The following AASS variants were observed in gnomAD, a reference collection of about 807,000 sequenced individuals.
AASS encodes the protein aminoadipate-semialdehyde synthase.
Under a neutral mutation model 105.4 loss-of-function variants are expected in AASS, and 86 were observed. That is an observed-to-expected ratio of 0.82 (90% CI 0.69 to 0.98). AASS has a LOEUF of 0.98. AASS is among the 50% of genes least tolerant of loss of function. The probability of loss-of-function intolerance (pLI) is 0.00; values close to 1 mark genes in which losing one functional copy is unlikely to be tolerated. For synonymous variants in AASS, 381 were observed against 394.8 expected, an observed-to-expected ratio of 0.96 and a Z score of 0.41; for missense variants, 1,048 against 1,143.2, an observed-to-expected ratio of 0.92 and a Z score of 1.20.
intron 9 of AASS, among the ~76,000 whole-genome samples, 187 bp downstream of exon 9, chr7:122,114,887 A>G (rs1795094756): frequency 6.6e-6 from 1 of 152,058 alleles, no homozygotes; most frequent in Non-Finnish European, 1.5e-5. Flanking sequence ...AAAGATAAAT[A>G]TATACAATAA....
chr7:122,081,861 A>G (rs751019547), intron 19 of AASS: 4 of 435,750 alleles, frequency 9.2e-6, no homozygotes, highest in Non-Finnish European at 1.7e-5. Flanking sequence ...GTGTCATAAC[A>G]ATTCTACTGG....
chr7:122,137,036 T>C (rs1190662938), intron 1 of AASS, among the ~76,000 whole-genome samples: 1 of 152,208 alleles, frequency 6.6e-6, no homozygotes, highest in Non-Finnish European at 1.5e-5. Flanking sequence ...TCAGTTTATT[T>C]GGGAAGCTAC....
chr7:122,112,225 T>A (rs1283992791), intron 11 of AASS, among the ~76,000 whole-genome samples: 2 of 152,204 alleles, frequency 1.3e-5, no homozygotes, highest in Non-Finnish European at 2.9e-5. Context: ...TTTTCATGAG[T>A]ACTTAAAATT....
At chr7:122,107,251 G>A (rs908424670) in intron 11 of AASS, among the ~76,000 whole-genome samples, 4 of 152,128 alleles carry the variant, frequency 2.6e-5, no homozygotes, top group African/African-American at 7.2e-5. Context: ...ATGCTGGTGA[G>A]GTTGTGGAGA....
intron 13 of AASS, among the ~76,000 whole-genome samples, chr7:122,100,093 G>T (rs1175056480): frequency 6.6e-6 from 1 of 151,844 alleles, no homozygotes; most frequent in Admixed American, 6.6e-5. Flanking sequence ...GAAGAATAAG[G>T]CAGGGTTCAA....
chr7:122,082,858 C>T (rs573360115), intron 19 of AASS: 1 of 1,289,534 alleles, frequency 7.8e-7, no homozygotes, highest in Admixed American at 2.3e-5. Context: ...CAACATTATT[C>T]AACATTCCAA....
intron 4 of AASS, among the ~76,000 whole-genome samples, chr7:122,119,148 T>A (rs556460795): frequency 1.6e-4 from 24 of 152,302 alleles, no homozygotes; most frequent in Admixed American, 7.8e-4. Flanking sequence ...TACTTGGCAA[T>A]GCAGACCTCT....
At position 122,098,747 on chromosome 7, in the gene AASS, A is replaced by G. The variant is rs1794288408; in HGVS notation, c.1526T>C (p.Val509Ala). The G allele has an allele frequency of 6.2e-7, 1 of 1,608,008 alleles. No homozygotes were observed. The highest frequency in any genetic ancestry group is 8.5e-7 in the Non-Finnish European group (1 of 1,176,434). The change falls in exon 14 of 24, where the codon GTA becomes GCA. Residue 509 changes from valine (V) to alanine (A), a missense_variant and splice_region_variant. Physicochemically the swap from Val to Ala is moderately conservative, Grantham distance 64. Coordinates refer to ENST00000417368, the MANE Select transcript of AASS (RefSeq NM_005763.4). The stretch of plus-strand genomic sequence containing the variant: ...TTCAAAAATTAGGGCTTATTTACCT[A>G]CTGTTATTTCTATATTGCCATCTCT... ...LSRDGNIEIT[V>A]GSDMKNQIEQ...
chr7:122,143,790 T>C (rs2150562915), intron 1 of AASS, among the ~76,000 whole-genome samples: 1 of 152,190 alleles, frequency 6.6e-6, no homozygotes, highest in East Asian at 1.9e-4. Flanking sequence ...GCTTCATCAG[T>C]TCTTTATTCC....
Position 122,129,503 on chromosome 7 carries a change from T to C in AASS, c.245A>G (p.Asp82Gly), listed in dbSNP as rs1795810081. The C allele has an allele frequency of 2.5e-6, 4 of 1,613,536 alleles. No individual in the cohort carries two copies. The highest frequency in any genetic ancestry group is 2.2e-5 in the South Asian group (2 of 91,060). ...TAAAATTAGACAAGCTTCAGAAATA[T>C]CCTCCTGAAGAATGCCACCAGCTTT... Reference protein sequence around the residue: ...YVKAGGILQEDISEACLILGV... With the variant: ...YVKAGGILQEGISEACLILGV... Residue 82 changes from aspartate (D) to glycine (G), a missense_variant, in exon 3 of 24, where the codon GAT (aspartate) becomes GGT (glycine). By Grantham distance (94) the Asp-to-Gly change is moderately conservative (BLOSUM62 -1). Transcript: ENST00000417368.
In AASS at chr7:122,117,642, T is replaced by C. The variant is rs536409635; in HGVS notation, c.687+665A>G. Among the ~76,000 whole-genome samples the C allele has an allele frequency of 3.5e-4, 53 of 149,336 alleles. 1 individual carries two copies. The highest frequency in any genetic ancestry group is 6.6e-4 in the African/African-American group (26 of 39,504). On this transcript the variant is annotated intron_variant, in intron 6 of 23. Coordinates refer to ENST00000417368, the MANE Select transcript of AASS (RefSeq NM_005763.4). ...TTATCTTATTTATTTATTTATCTAT[T>C]TATTTATTTATTTATTTATTTATTT...
At chr7:122,094,107 A>C (rs921900148) in intron 15 of AASS, among the ~76,000 whole-genome samples, 1 of 152,144 alleles carries the variant, frequency 6.6e-6, no homozygotes, top group African/African-American at 2.4e-5. Flanking sequence ...AGAGATAAGA[A>C]GTGGAGCAGG....
intron 18 of AASS, 79 bp from the exon 19 acceptor site, chr7:122,086,258 G>T: frequency 1.5e-6 from 2 of 1,337,472 alleles, no homozygotes; most frequent in Non-Finnish European, 1.0e-6. Flanking sequence ...TACGAACAAA[G>T]AAAGCAACAG....
chr7:122,124,426 G>GCACCC (rs899668491), intron 4 of AASS, among the ~76,000 whole-genome samples: 23 of 152,142 alleles, frequency 1.5e-4, no homozygotes, highest in African/African-American at 5.5e-4. Flanking sequence ...GGGATTACAG[G>GCACCC]CACCCACCAT....
chr7:122,081,069 G>C (rs556672866), intron 20 of AASS, among the ~76,000 whole-genome samples: 92 of 152,298 alleles, frequency 6.0e-4, no homozygotes, highest in African/African-American at 1.8e-3. Flanking sequence ...AATCACTCAT[G>C]GTTATAAGTA....
At chr7:122,110,440 TAA>T (rs1222584302) in intron 11 of AASS, among the ~76,000 whole-genome samples, 2 of 151,886 alleles carry the variant, frequency 1.3e-5, no homozygotes, top group Non-Finnish European at 2.9e-5. Flanking sequence ...TGAACATTCT[TAA>T]GTTTTTAAAT....
At chr7:122,104,404 T>C (rs1357217473) in intron 11 of AASS, among the ~76,000 whole-genome samples, 1 of 152,050 alleles carries the variant, frequency 6.6e-6, no homozygotes, top group Non-Finnish European at 1.5e-5. Context: ...AAGACCACCC[T>C]GGCCAACATG....
chr7:122,083,867 A>G (rs559560633), intron 19 of AASS, among the ~76,000 whole-genome samples: 23 of 152,254 alleles, frequency 1.5e-4, no homozygotes, highest in Admixed American at 1.3e-3. Flanking sequence ...AATACTGGAA[A>G]GAATTTTAGG....
intron 1 of AASS, among the ~76,000 whole-genome samples, chr7:122,134,453 G>A (rs1367590215): frequency 6.6e-6 from 1 of 152,020 alleles, no homozygotes; most frequent in African/African-American, 2.4e-5. Context: ...TGCAGTCTGG[G>A]CTCAAGTGAT....
Sources: allele counts gnomAD v4.1 joint callset (sites outside exome capture counted in the v4.1 genomes callset), GRCh38; gene constraint gnomAD v4.1.1; transcripts MANE v1.5; gene names NCBI Gene and HGNC (gene_info 2026-07-23, HGNC 2026-07-21).